The following AHI1 variants were observed in gnomAD, a reference collection of about 807,000 sequenced individuals.
The protein encoded by AHI1 is Abelson helper integration site 1, also known as jouberin.
In AHI1, 123 loss-of-function variants were observed where a neutral mutation model predicts 149.3. That is an observed-to-expected ratio of 0.82 (90% CI 0.71 to 0.96). AHI1 has a LOEUF of 0.96. AHI1 is among the 40% of genes least tolerant of loss of function. AHI1 has a pLI of 0.00. For missense variants in AHI1, 1,439 were observed against 1,422.7 expected (o/e 1.01, Z -0.18); for synonymous variants, 475 against 459.8 (o/e 1.03, Z -0.42).
chr6:135,384,507 C>G (rs995833180), intron 23 of AHI1, among the ~76,000 whole-genome samples: 2 of 152,154 alleles, frequency 1.3e-5, no homozygotes, highest in African/African-American at 4.8e-5. Context: ...CTACCAGAAT[C>G]TCATGTATTT....
intron 24 of AHI1, among the ~76,000 whole-genome samples, chr6:135,337,814 A>G (rs1361357782): frequency 2.6e-5 from 4 of 152,046 alleles, no homozygotes; most frequent in Non-Finnish European, 4.4e-5. Flanking sequence ...GAGTACTAAA[A>G]TTAAATGAGA....
chr6:135,309,660 T>C (rs1330194905), intron 26 of AHI1, among the ~76,000 whole-genome samples: 1 of 152,140 alleles, frequency 6.6e-6, no homozygotes, highest in Non-Finnish European at 1.5e-5. Flanking sequence ...TTTGTATTTT[T>C]AGTAGAAACG....
chr6:135,490,514 TTAC>T (rs1167155427), intron 5 of AHI1, 106 bp downstream of exon 5: 3 of 1,268,548 alleles, frequency 2.4e-6, no homozygotes, highest in Admixed American at 1.8e-5. Context: ...TGACATAGTG[TTAC>T]TGTTTTTAAT....
intron 24 of AHI1, among the ~76,000 whole-genome samples, chr6:135,330,230 G>C (rs1433376086): frequency 1.3e-5 from 2 of 152,192 alleles, no homozygotes; most frequent in African/African-American, 4.8e-5. Flanking sequence ...ATGCTACAGA[G>C]AAATCTTTTG....
At chr6:135,436,791 A>G (rs1358547197) in intron 15 of AHI1, among the ~76,000 whole-genome samples, 3 of 152,060 alleles carry the variant, frequency 2.0e-5, no homozygotes, top group African/African-American at 7.2e-5. Context: ...TAATAGAGAC[A>G]GGGTTTCGCC....
intron 20 of AHI1, among the ~76,000 whole-genome samples, chr6:135,423,867 T>C (rs1783567925): frequency 6.6e-6 from 1 of 152,122 alleles, no homozygotes; most frequent in Non-Finnish European, 1.5e-5. Flanking sequence ...AAAATCAGCC[T>C]CATTACCTAG....
chr6:135,339,033 T>C (rs1224019718), intron 24 of AHI1, among the ~76,000 whole-genome samples: 1 of 151,868 alleles, frequency 6.6e-6, no homozygotes, highest in Non-Finnish European at 1.5e-5. Context: ...GTTCAAGTGA[T>C]CCTCCTGCCT....
chr6:135,336,388 A>G (rs1384395931), intron 24 of AHI1, among the ~76,000 whole-genome samples: 2 of 152,090 alleles, frequency 1.3e-5, no homozygotes, highest in African/African-American at 2.4e-5. Flanking sequence ...GCTTGAGTCC[A>G]GGAGTTCGAG....
intron 23 of AHI1, among the ~76,000 whole-genome samples, chr6:135,367,804 C>T (rs1012617519): frequency 2.0e-5 from 3 of 152,100 alleles, no homozygotes; most frequent in Admixed American, 6.5e-5. Flanking sequence ...TTCTCTGGTG[C>T]CTCCTTGAGT....
intron 22 of AHI1, among the ~76,000 whole-genome samples, chr6:135,396,891 C>T (rs1446466481): frequency 6.7e-6 from 1 of 150,242 alleles, no homozygotes; most frequent in African/African-American, 2.4e-5. Flanking sequence ...CATTTATAGT[C>T]TTCTTCTTCA....
chr6:135,465,925 T>C lies in AHI1; in HGVS notation c.638A>G (p.Lys213Arg). The C allele has an allele frequency of 6.2e-7, 1 of 1,605,054 alleles. No individual in the cohort carries two copies. The highest frequency in any genetic ancestry group is 8.5e-7 in the Non-Finnish European group (1 of 1,176,288). ...TGAGGGAAAGTAAGTCAACTGTTCT[T>C]TCAGTTTCTTTCTTATTTTCCTCTT... ...EIKRKIRKKLKEQLTYFPSDT... is the reference protein window; with the variant it reads ...EIKRKIRKKLREQLTYFPSDT... The change falls in exon 7 of 29, where the codon AAA becomes AGA. Residue 213 changes from lysine to arginine, a missense_variant. Physicochemically the swap from Lys to Arg is conservative, Grantham distance 26 (BLOSUM62 2). Coordinates refer to ENST00000265602, the MANE Select transcript of AHI1 (RefSeq NM_001134831.2).
chr6:135,469,208 C>T (rs113941249), intron 5 of AHI1, among the ~76,000 whole-genome samples: 4,628 of 152,226 alleles, frequency 0.03, 207 homozygotes, highest in African/African-American at 0.1. Flanking sequence ...GTTCAACATA[C>T]GCAAATCAAT....
chr6:135,361,103 C>T (rs186217674), intron 23 of AHI1, among the ~76,000 whole-genome samples: 1 of 152,234 alleles, frequency 6.6e-6, no homozygotes, highest in African/African-American at 2.4e-5. Flanking sequence ...TTTTTAGTTA[C>T]ATCTCTTCAT....
intron 13 of AHI1, among the ~76,000 whole-genome samples, chr6:135,444,766 T>C (rs1786894931): frequency 1.3e-5 from 2 of 152,258 alleles, no homozygotes; most frequent in Admixed American, 6.5e-5. Context: ...CGTAAGTGCC[T>C]CTGCTCTCTT....
intron 23 of AHI1, among the ~76,000 whole-genome samples, chr6:135,382,847 G>A: frequency 8.1e-6 from 1 of 122,816 alleles, no homozygotes; most frequent in Admixed American, 1.0e-4. Context: ...GAAACATGAA[G>A]AGCTGCTTGC....
chr6:135,466,645 T>G (rs1418312488), intron 6 of AHI1, among the ~76,000 whole-genome samples: 1 of 152,162 alleles, frequency 6.6e-6, no homozygotes, highest in Non-Finnish European at 1.5e-5. Flanking sequence ...AGTGAATTAA[T>G]TGCTCAAATC....
chr6:135,452,170 C>T (rs1269727937), intron 11 of AHI1, among the ~76,000 whole-genome samples: 2 of 152,142 alleles, frequency 1.3e-5, no homozygotes, highest in Non-Finnish European at 2.9e-5. Context: ...TATACAATGT[C>T]TAATTTATCT....
At chr6:135,469,688 C>G (rs994768301) in intron 5 of AHI1, among the ~76,000 whole-genome samples, 2 of 152,050 alleles carry the variant, frequency 1.3e-5, no homozygotes, top group African/African-American at 4.8e-5. Flanking sequence ...CTGTATTTGA[C>G]AAACCTGACA....
rs1333577695 is a variant in AHI1 at position 135,438,472 on chromosome 6, T to G, written c.1939A>C (p.Met647Leu). The G allele has an allele frequency of 2.6e-6, 4 of 1,549,758 alleles. No homozygotes were observed. The highest frequency in any genetic ancestry group is 3.5e-6 in the Non-Finnish European group (4 of 1,145,484). ...ILYEIPSGRF[M>L]RELCGHLNII... ...TTGAGGTGGCCACACAATTCTCTCATGAAACGTCCAGAAGGAATTTCATAT... is the reference window on the plus strand; with the variant it reads ...TTGAGGTGGCCACACAATTCTCTCAGGAAACGTCCAGAAGGAATTTCATAT... Residue 647 changes from methionine (M) to leucine (L), a missense_variant, in exon 15 of 29, where the codon ATG becomes CTG. Coordinates refer to ENST00000265602, the MANE Select transcript of AHI1 (RefSeq NM_001134831.2).
Sources: allele counts gnomAD v4.1 joint callset (sites outside exome capture counted in the v4.1 genomes callset), GRCh38; gene constraint gnomAD v4.1.1; transcripts MANE v1.5; gene names NCBI Gene and HGNC (gene_info 2026-07-23, HGNC 2026-07-21).